The following LZTFL1 variants were observed in gnomAD, a reference collection of about 807,000 sequenced individuals.
LZTFL1 encodes leucine zipper transcription factor-like protein 1.
Under a neutral mutation model 45.9 loss-of-function variants are expected in LZTFL1, and 25 were observed. The ratio of observed to expected loss-of-function variants is 0.54; its 90% CI spans 0.40 to 0.76. LZTFL1 has a LOEUF of 0.76. Ranked by LOEUF, LZTFL1 falls within the 30% of genes least tolerant of loss-of-function variation. LZTFL1 has a pLI of 0.00. For missense variants in LZTFL1, 277 were observed against 331.1 expected (o/e 0.84, Z 1.27); for synonymous variants, 93 against 117.4 (o/e 0.79, Z 1.35).
At position 45,823,642 on chromosome 3, in the gene LZTFL1, A is replaced by G. The variant is rs1269590234; in HGVS notation, c.*2672T>C. The G allele has an allele frequency of 6.6e-6, 1 of 152,220 alleles. No homozygotes were observed. Among genetic ancestry groups the G allele is most frequent in the African/African-American group, 2.4e-5 (1 of 41,460 alleles). The allele number at this position is 152,220 out of a possible 1,614,324, so 9.4% of individuals were successfully genotyped here. On this transcript the variant is annotated 3_prime_UTR_variant, in exon 10 of 10. Coordinates refer to ENST00000296135, the MANE Select transcript of LZTFL1 (RefSeq NM_020347.4). ...GTTTTGAAAATGGTTTTGTCAAAAT[A>G]TTATTGTCTAAATACTACTGTTTTG...
intron 2 of LZTFL1, among the ~76,000 whole-genome samples, chr3:45,878,398 A>G (rs1204151829): frequency 6.6e-6 from 1 of 152,178 alleles, no homozygotes; most frequent in African/African-American, 2.4e-5. Context: ...TTCAAAAACT[A>G]GCCACTGAAC....
Position 45,909,751 on chromosome 3 carries a change from G to T in LZTFL1, c.-215+3369C>A, listed in dbSNP as rs976414803. Among the ~76,000 whole-genome samples, 6 of 152,374 alleles carry T rather than the reference G, an allele frequency of 3.9e-5. 1 individual carries two copies. The South Asian group carries it at 1.2e-3, about 32-fold the overall frequency. On this transcript the variant is annotated intron_variant, in intron 2 of 4. Coordinates refer to the LZTFL1 transcript ENST00000472635. ...AGCTCGGAAAGGCCTCACGCCGTGG[G>T]TGGCACTTTCTCAGGGGGGTAATCT...
chr3:45,871,124 G>A, intron 2 of LZTFL1, among the ~76,000 whole-genome samples: 1 of 152,292 alleles, frequency 6.6e-6, no homozygotes, highest in South Asian at 2.1e-4. Flanking sequence ...GAACATGTAG[G>A]TGGTATTTCA....
upstream of LZTFL1, among the ~76,000 whole-genome samples, chr3:45,842,749 AG>A (rs1701152239): frequency 6.6e-6 from 1 of 152,098 alleles, no homozygotes; most frequent in African/African-American, 2.4e-5. Context: ...CTACTATGGA[AG>A]CTTGTTGAAC....
At chr3:45,913,803 C>T (rs183178984) in intron 1 of LZTFL1, among the ~76,000 whole-genome samples, 3 of 152,282 alleles carry the variant, frequency 2.0e-5, no homozygotes. Flanking sequence ...CCAACGCATA[C>T]CCCCTGGATA....
At position 45,901,494 on chromosome 3, in the gene LZTFL1, A is replaced by G. The variant is rs1328318187; in HGVS notation, c.-215+11626T>C. The G allele has an allele frequency of 9.9e-6, 16 of 1,614,026 alleles. No homozygotes were observed. The Admixed American group carries it at 1.8e-4, about 18-fold the overall frequency. The stretch of plus-strand genomic sequence containing the variant: ...CGTGGTCATGGCTTGCTGCTATACC[A>G]TCATCATTCACACCCTGATACAAGC... On this transcript the variant is annotated intron_variant, in intron 2 of 4. Transcript: ENST00000472635. This position sits in a 1 kb window ranked among gnomAD's most constrained non-coding sequence, Gnocchi z 4.3.
intron 3 of LZTFL1, among the ~76,000 whole-genome samples, chr3:45,857,028 C>T (rs1039837136): frequency 5.9e-5 from 9 of 152,050 alleles, no homozygotes; most frequent in African/African-American, 2.2e-4. Flanking sequence ...GGGTATATAC[C>T]CAATGGAATA....
At chr3:45,867,160 A>C (rs962669211) in intron 2 of LZTFL1, among the ~76,000 whole-genome samples, 2 of 151,746 alleles carry the variant, frequency 1.3e-5, no homozygotes, top group African/African-American at 2.4e-5. Flanking sequence ...AAAAAAAAAA[A>C]AAAAAAAAAA....
chr3:45,825,007 T>G lies in LZTFL1; in HGVS notation c.*1307A>C. ...CTTTTGCAGGGAAATTATCTTACCC[T>G]TTAACATTTGTTCCTTCACTATTTT... On this transcript the variant is annotated 3_prime_UTR_variant, in exon 10 of 10. Coordinates refer to ENST00000296135, the MANE Select transcript of LZTFL1 (RefSeq NM_020347.4). The G allele has an allele frequency of 2.5e-6, 1 of 397,754 alleles. No homozygotes were observed. The highest frequency in any genetic ancestry group is 2.1e-5 in the African/African-American group (1 of 48,716). The allele number at this position is 397,754 out of a possible 1,614,324, so 24.6% of individuals were successfully genotyped here.
At chr3:45,859,836 C>T (rs984940745) in intron 2 of LZTFL1, among the ~76,000 whole-genome samples, 1 of 152,048 alleles carries the variant, frequency 6.6e-6, no homozygotes, top group Non-Finnish European at 1.5e-5. Flanking sequence ...AGGGTTTCAC[C>T]ATGTTGGCCA....
At chr3:45,876,992 A>G (rs1017565173) in intron 2 of LZTFL1, among the ~76,000 whole-genome samples, 2 of 152,146 alleles carry the variant, frequency 1.3e-5, no homozygotes, top group African/African-American at 4.8e-5. Context: ...GGAAGCCGAG[A>G]CAACAGCTGT....
chr3:45,882,838 AT>A (rs1395879756), intron 2 of LZTFL1, among the ~76,000 whole-genome samples: 149 of 149,956 alleles, frequency 9.9e-4, no homozygotes, highest in Non-Finnish European at 1.7e-3. Flanking sequence ...TATTATTAAC[AT>A]TTTTTTAAAA....
intron 4 of LZTFL1, 81 bp from the exon 5 acceptor site, chr3:45,833,202 T>C (rs1700878085): frequency 2.2e-6 from 2 of 922,894 alleles, no homozygotes; most frequent in Non-Finnish European, 1.8e-6. Context: ...ACTTTGCAAG[T>C]GGAAGATACT....
At chr3:45,855,168 A>G in intron 3 of LZTFL1, 1 of 720,830 alleles carries the variant, frequency 1.4e-6, no homozygotes, top group African/African-American at 1.8e-5. Flanking sequence ...CCTCAATAAA[A>G]TACTGGCAAA....
chr3:45,886,585 C>T (rs1300671037), intron 2 of LZTFL1: 1 of 152,188 alleles, frequency 6.6e-6, no homozygotes, highest in African/African-American at 2.4e-5. Flanking sequence ...AGAGAGCAAC[C>T]CAGCTCTTTC....
At position 45,823,406 on chromosome 3, in the gene LZTFL1, G is replaced by A. The variant is rs1700585802; in HGVS notation, c.*2908C>T. The A allele has an allele frequency of 6.6e-6, 1 of 152,174 alleles. No individual in the cohort carries two copies. The highest frequency in any genetic ancestry group is 2.4e-5 in the African/African-American group (1 of 41,444). 9.4% of individuals were successfully genotyped at this position (152,174 alleles called of 1,614,324 possible). On this transcript the variant is annotated 3_prime_UTR_variant, in exon 10 of 10. Transcript: ENST00000296135. ...GAGAGGAAGTTATACTTCATATAATGTAAGAGATTGAGTACTGTTCACATC... is the reference window on the plus strand; with the variant it reads ...GAGAGGAAGTTATACTTCATATAATATAAGAGATTGAGTACTGTTCACATC...
chr3:45,832,013 A>T (rs1700835793), intron 5 of LZTFL1, among the ~76,000 whole-genome samples: 1 of 152,164 alleles, frequency 6.6e-6, no homozygotes, highest in Admixed American at 6.5e-5. Context: ...AGGCGGGCGT[A>T]TCACAAGATC....
intron 1 of LZTFL1, among the ~76,000 whole-genome samples, chr3:45,915,261 C>T (rs867854146): frequency 1.3e-5 from 2 of 152,182 alleles, no homozygotes; most frequent in African/African-American, 4.8e-5. Flanking sequence ...TCCAGCCCTC[C>T]TTGCAGCCTT....
rs202070482 is a variant in LZTFL1 at position 45,901,572 on chromosome 3, G to C, written c.-215+11548C>G. 6.2e-7 allele frequency: 1 copy of C among 1,614,174 alleles called. No individual in the cohort carries two copies. Among genetic ancestry groups the C allele is most frequent in the Non-Finnish European group, 8.5e-7 (1 of 1,180,012 alleles). On this transcript the variant is annotated intron_variant, in intron 2 of 4. Coordinates refer to the LZTFL1 transcript ENST00000472635. The surrounding 1 kb of genome is among the most constrained non-coding windows in gnomAD (Gnocchi z 4.3). ...AAAAGTGACCATCACTGTCCTGACC[G>C]TCTTTGTCTTGTCTCAGTTTCCCTA...
Sources: gnomAD v4.1 joint callset for allele counts (sites outside exome capture counted in the v4.1 genomes callset) on GRCh38, gnomAD v4.1.1 for gene constraint, Gnocchi (gnomAD v3.1) non-coding constraint, MANE v1.5 for transcripts, NCBI Gene and HGNC (gene_info 2026-07-23, HGNC 2026-07-21) for gene names.